Variants in AKT1S1 observed in about 807,000 individuals in gnomAD.
AKT1S1 encodes proline-rich AKT1 substrate 1.
Under a neutral mutation model 21.2 loss-of-function variants are expected in AKT1S1, and 17 were observed. That is an observed-to-expected ratio of 0.80 (90% CI 0.55 to 1.20). The LOEUF is 1.20. Among genes scored for constraint, AKT1S1 ranks in the 50% most tolerant of loss-of-function variants. The pLI is 0.00. For synonymous variants in AKT1S1, 181 were observed against 165.6 expected, an observed-to-expected ratio of 1.09 and a Z score of -0.72; for missense variants, 366 against 368.3, an observed-to-expected ratio of 0.99 and a Z score of 0.05.
chr19:49,877,926 C>T, upstream of AKT1S1: 2 of 775,598 alleles, frequency 2.6e-6, no homozygotes, highest in East Asian at 2.8e-5. Context: ...CATGGCCCCG[C>T]CCCCCCGGCT....
chr19:49,877,949 T>A, upstream of AKT1S1: 2 of 722,504 alleles, frequency 2.8e-6, no homozygotes, highest in Non-Finnish European at 4.5e-6. Context: ...GGCGACTCCT[T>A]GAGCCCTGCC....
intron 4 of AKT1S1, among the ~76,000 whole-genome samples, 193 bp downstream of exon 4, chr19:49,871,354 C>T (rs1230276918): frequency 6.6e-6 from 1 of 152,210 alleles, no homozygotes; most frequent in Non-Finnish European, 1.5e-5. Flanking sequence ...CTCTATAAGG[C>T]ACTAGGACAC....
chr19:49,872,433 G>T (rs773639860), intron 2 of AKT1S1, among the ~76,000 whole-genome samples: 12 of 152,300 alleles, frequency 7.9e-5, no homozygotes, highest in Middle Eastern at 3.4e-3. Flanking sequence ...TAGCGTTACA[G>T]TCCAGCCTCC....
chr19:49,872,633 T>C (rs571490175), intron 2 of AKT1S1, among the ~76,000 whole-genome samples: 2 of 152,288 alleles, frequency 1.3e-5, no homozygotes, highest in Non-Finnish European at 2.9e-5. Context: ...TCCAGTTCCT[T>C]GGCTAGACCG....
In AKT1S1 at chr19:49,871,800, T is replaced by C; in HGVS notation, c.457+12A>G. ...CCCTCAGGTCGGGAGGGGAACAGCCTGGGACACTCACCATCTGTACTCTCG... is the reference window on the plus strand; with the variant it reads ...CCCTCAGGTCGGGAGGGGAACAGCCCGGGACACTCACCATCTGTACTCTCG... On this transcript the variant is annotated intron_variant, in intron 3 of 4. Transcript: ENST00000344175. The C allele has an allele frequency of 6.2e-7, 1 of 1,612,220 alleles. No homozygotes were observed. The highest frequency in any genetic ancestry group is 8.5e-7 in the Non-Finnish European group (1 of 1,179,332).
intron 1 of AKT1S1, chr19:49,875,365 T>A (rs73934057): frequency 4.6e-5 from 2 of 43,184 alleles, no homozygotes; most frequent in Non-Finnish European, 8.2e-5. Flanking sequence ...GGGCTGAAAC[T>A]GTGAGGCTCA....
intron 1 of AKT1S1, chr19:49,874,736 G>T (rs550205851): frequency 1.3e-5 from 2 of 152,188 alleles, no homozygotes; most frequent in East Asian, 3.9e-4. Context: ...ATTAACCAGC[G>T]TGGTTGAGCC....
At chr19:49,875,863 G>T (rs962527444) in intron 1 of AKT1S1, 2 of 985,406 alleles carry the variant, frequency 2.0e-6, no homozygotes, top group Non-Finnish European at 2.4e-6. Flanking sequence ...AGACCTGGGG[G>T]TCCTCCTTAC....
chr19:49,877,473 G>C (rs1402454954), upstream of AKT1S1: 3 of 509,416 alleles, frequency 5.9e-6, no homozygotes, highest in East Asian at 1.0e-4. Context: ...CGTGGCGAGA[G>C]GGCGAACACT....
chr19:49,877,295 C>T lies in AKT1S1; in HGVS notation c.-66G>A. 5.3e-6 allele frequency: 1 copy of T among 188,442 alleles called. No individual in the cohort carries two copies. Among genetic ancestry groups the T allele is most frequent in the Non-Finnish European group, 1.1e-5 (1 of 90,220 alleles). The allele number at this position is 188,442 out of a possible 1,614,324, so 11.7% of individuals were successfully genotyped here. ...TGTCGCGCCCCGCAGAGAGATGGGA[C>T]AGCCCCGTATTAACATGGCCTTAGC... On this transcript the variant is annotated 5_prime_UTR_variant, in exon 1 of 5. Transcript: ENST00000344175.
At chr19:49,872,888 C>T (rs757229818) in intron 2 of AKT1S1, 29 bp downstream of exon 2, 14 of 1,579,904 alleles carry the variant, frequency 8.9e-6, no homozygotes, top group Middle Eastern at 1.8e-4. Context: ...AGCGCTGGGC[C>T]GCACCCGCCC....
At position 49,869,653 on chromosome 19, in the gene AKT1S1, G is replaced by A. The variant is rs1299346485; in HGVS notation, c.*264C>T. 2.5e-6 allele frequency: 1 copy of A among 392,496 alleles called. No individual in the cohort carries two copies. The highest frequency in any genetic ancestry group is 4.6e-6 in the Non-Finnish European group (1 of 218,970). The allele number at this position is 392,496 out of a possible 1,614,324, so 24.3% of individuals were successfully genotyped here. Reference sequence around the variant, plus strand: ...CCATTTAGAGCTTAGAACTCAGCGAGCCAATCCCTTAATAGAAGGAATCTG... The same window carrying A: ...CCATTTAGAGCTTAGAACTCAGCGAACCAATCCCTTAATAGAAGGAATCTG... On this transcript the variant is annotated 3_prime_UTR_variant, in exon 5 of 5. Transcript: ENST00000344175.
In AKT1S1 at chr19:49,875,018, A is replaced by G. The variant is rs1371009882; in HGVS notation, c.-7-1716T>C. On this transcript the variant is annotated intron_variant, in intron 1 of 4. Transcript: ENST00000344175. ...CCCAAGGGAAGGAAGAGGTTTATCC[A>G]CCACCTCCCAGAAGCCACGCAAGGA... 2.0e-5 allele frequency: 3 copies of G among 152,246 alleles called. No homozygotes were observed. In the East Asian group the frequency reaches 5.8e-4, roughly 29 times the overall value. 9.4% of individuals were successfully genotyped at this position (152,246 alleles called of 1,614,324 possible). A position where few individuals can be genotyped will look rare whatever the true frequency, so the allele number is the denominator to read the frequency against.
chr19:49,876,058 TAAG>T, intron 1 of AKT1S1: 11 of 985,360 alleles, frequency 1.1e-5, no homozygotes, highest in Non-Finnish European at 1.3e-5. Context: ...GGAAAAGAGC[TAAG>T]GAGGAGAGGG....
chr19:49,871,807 C>T lies in AKT1S1; in HGVS notation c.457+5G>A, dbSNP rs1181254201. On this transcript the variant is annotated splice_donor_5th_base_variant and intron_variant, in intron 3 of 4. Transcript: ENST00000344175. ...GTCGGGAGGGGAACAGCCTGGGACA[C>T]TCACCATCTGTACTCTCGGGGTCTG... 1 of 1,612,206 alleles carries T rather than the reference C, an allele frequency of 6.2e-7. No homozygotes were observed. The highest frequency in any genetic ancestry group is 8.5e-7 in the Non-Finnish European group (1 of 1,179,376).
intron 4 of AKT1S1, 81 bp from the exon 5 acceptor site, chr19:49,870,141 G>C (rs1415657076): frequency 1.5e-6 from 2 of 1,326,882 alleles, no homozygotes; most frequent in Non-Finnish European, 1.9e-6. Context: ...GGTGCACCCG[G>C]GCTCCAAGCC....
rs531980921 is a variant in AKT1S1 at position 49,869,845 on chromosome 19, G to A, written c.*72C>T. The A allele has an allele frequency of 7.4e-6, 10 of 1,344,372 alleles. No homozygotes were observed. The South Asian group carries it at 1.0e-4, about 14-fold the overall frequency. The allele number at this position is 1,344,372 out of a possible 1,614,324, so 83.3% of individuals were successfully genotyped here. On this transcript the variant is annotated 3_prime_UTR_variant, in exon 5 of 5. Transcript: ENST00000344175. ...GTCCCGGATCGGCCTCAGATTAGCA[G>A]GCCCCGGGAGTGGGGCGGGGGCGTA...
At chr19:49,874,336 T>C (rs1326007247) in intron 1 of AKT1S1, 1 of 152,356 alleles carries the variant, frequency 6.6e-6, no homozygotes, top group African/African-American at 2.4e-5. Flanking sequence ...GAAATGGTGC[T>C]GGCGCTGCTC....
upstream of AKT1S1, chr19:49,877,385 T>C (rs2074961736): frequency 5.4e-6 from 2 of 371,554 alleles, no homozygotes; most frequent in Non-Finnish European, 9.9e-6. Context: ...CAGTATACAA[T>C]ATGGAGAAGG....
Sources: allele counts gnomAD v4.1 joint callset (sites outside exome capture counted in the v4.1 genomes callset), GRCh38; gene constraint gnomAD v4.1.1; transcripts MANE v1.5; gene names NCBI Gene and HGNC (gene_info 2026-07-23, HGNC 2026-07-21).